The following CYP20A1 variants were observed in gnomAD, a reference collection of about 807,000 sequenced individuals.
CYP20A1 encodes cytochrome P450 family 20 subfamily A member 1.
In CYP20A1, 61 loss-of-function variants were observed where a neutral mutation model predicts 61.4. The ratio of observed to expected loss-of-function variants is 0.99; its 90% CI spans 0.81 to 1.23. The LOEUF is 1.23. Among genes scored for constraint, CYP20A1 ranks in the 50% most tolerant of loss-of-function variants. The pLI is 0.00. For missense variants in CYP20A1, 530 were observed against 542.4 expected (o/e 0.98, Z 0.23); for synonymous variants, 193 against 188.2 (o/e 1.03, Z -0.21).
chr2:203,280,873 G>A (rs1237872300), intron 8 of CYP20A1, among the ~76,000 whole-genome samples: 1 of 152,124 alleles, frequency 6.6e-6, no homozygotes, highest in Non-Finnish European at 1.5e-5. Flanking sequence ...TATGGATTGT[G>A]AATTCTTGTT....
chr2:203,252,080 C>T lies in CYP20A1; in HGVS notation c.403C>T (p.Leu135=), dbSNP rs1355229336. The T allele has an allele frequency of 6.2e-7, 1 of 1,608,662 alleles. No homozygotes were observed. ...KLYENGVTDS[L]KSNFALLLKL... is the part of the protein sequence containing the mutation. The stretch of plus-strand genomic sequence containing the variant: ...GTATGAAAATGGTGTGACTGATTCT[C>T]TGAAGAGTAACTTTGCCCTCCTCCT... Residue 135 remains leucine (L), a synonymous_variant, in exon 4 of 13, where the codon CTG becomes TTG. Coordinates refer to ENST00000356079, the MANE Select transcript of CYP20A1 (RefSeq NM_177538.3).
At chr2:203,240,479 C>G (rs2066217813) in intron 1 of CYP20A1, among the ~76,000 whole-genome samples, 1 of 152,184 alleles carries the variant, frequency 6.6e-6, no homozygotes, top group African/African-American at 2.4e-5. Context: ...GAATTTATTT[C>G]CTAGAGAAGG....
chr2:203,295,979 T>C (rs749514153), intron 11 of CYP20A1, among the ~76,000 whole-genome samples: 3 of 151,268 alleles, frequency 2.0e-5, no homozygotes, highest in Non-Finnish European at 4.4e-5. Flanking sequence ...AATAATAAAG[T>C]GCCAGTCGTG....
chr2:203,294,516 A>G (rs1223908026), intron 11 of CYP20A1, among the ~76,000 whole-genome samples: 2 of 152,086 alleles, frequency 1.3e-5, no homozygotes, highest in African/African-American at 4.8e-5. Context: ...ATGAAACTCC[A>G]TCTCAAAAAA....
At chr2:203,261,100 G>A (rs1489439661) in intron 4 of CYP20A1, among the ~76,000 whole-genome samples, 1 of 151,980 alleles carries the variant, frequency 6.6e-6, no homozygotes, top group Non-Finnish European at 1.5e-5. Context: ...TGAGCATGGT[G>A]GCTCACATCT....
In CYP20A1 at chr2:203,251,793, G is replaced by GTACATATATATATATA. The variant is rs1553513991; in HGVS notation, c.290-172_290-171insCATATATATATATATA. On this transcript the variant is annotated intron_variant, in intron 3 of 12. Transcript: ENST00000356079. ...TCAAAAGAAAACTATATATATATGT[G>GTACATATATATATATA]TATATATATATATATATATATATAA... Among the ~76,000 whole-genome samples the GTACATATATATATATA allele has an allele frequency of 4.5e-3, 286 of 64,110 alleles. 5 individuals carry two copies. The highest frequency in any genetic ancestry group is 0.011 in the African/African-American group (279 of 24,412). 42.1% of individuals were successfully genotyped at this position (64,110 alleles called of 152,430 possible). A position where few individuals can be genotyped will look rare whatever the true frequency, so the allele number is the denominator to read the frequency against.
rs1019440940 is a variant in CYP20A1 at position 203,270,508 on chromosome 2, C to T, written c.601-2162C>T. On this transcript the variant is annotated intron_variant, in intron 5 of 12. Transcript: ENST00000356079. ...TCTATTTTTGTGTTGCTTTTTCTTA[C>T]TAATCTAGAACAGCTCTTTATTTCT... Among the ~76,000 whole-genome samples, 37 of 151,832 alleles carry T rather than the reference C, an allele frequency of 2.4e-4. 1 individual carries two copies. Among genetic ancestry groups the T allele is most frequent in the Admixed American group, 1.5e-3 (23 of 15,230 alleles).
intron 10 of CYP20A1, among the ~76,000 whole-genome samples, chr2:203,291,177 CT>C (rs1214151930): frequency 6.6e-6 from 1 of 151,990 alleles, no homozygotes; most frequent in Admixed American, 6.6e-5. Context: ...ATCCTGCCAC[CT>C]CAGCTTCCCA....
At chr2:203,265,725 C>T (rs2067296969) in intron 4 of CYP20A1, among the ~76,000 whole-genome samples, 1 of 152,132 alleles carries the variant, frequency 6.6e-6, no homozygotes, top group Admixed American at 6.6e-5. Context: ...GAGTCTCGCT[C>T]TTTCACCCAG....
intron 3 of CYP20A1, among the ~76,000 whole-genome samples, chr2:203,251,063 C>CAAAA (rs35304069): frequency 1.8e-4 from 9 of 50,234 alleles, no homozygotes; most frequent in South Asian, 8.0e-4. Context: ...GATTCTGTCT[C>CAAAA]AAAAAAAAAA....
chr2:203,284,805 G>C (rs573720122), intron 8 of CYP20A1, among the ~76,000 whole-genome samples: 6 of 148,170 alleles, frequency 4.0e-5, no homozygotes, highest in Non-Finnish European at 7.4e-5. Context: ...GAGTGCAGTG[G>C]CACGGTCACA....
intron 1 of CYP20A1, among the ~76,000 whole-genome samples, chr2:203,241,611 T>C (rs2066257785): frequency 6.6e-6 from 1 of 152,226 alleles, no homozygotes; most frequent in African/African-American, 2.4e-5. Flanking sequence ...AGTCAAATGC[T>C]GCAGATATTT....
In CYP20A1 at chr2:203,285,663, AATT is replaced by A; in HGVS notation, c.905_907del (p.Leu302del). 1 of 1,606,732 alleles carries A rather than the reference AATT, an allele frequency of 6.2e-7. No homozygotes were observed. The highest frequency in any genetic ancestry group is 8.5e-7 in the Non-Finnish European group (1 of 1,178,436). ...ACCACCTCTGAAGAAGTTCAAAAAA[AATT>A]ATATGAAGAGATAAACCAAGTTTTT... On this transcript the variant is annotated inframe_deletion, in exon 9 of 13. Coordinates refer to ENST00000356079, the MANE Select transcript of CYP20A1 (RefSeq NM_177538.3).
rs1436941690 is a variant in CYP20A1 at position 203,271,044 on chromosome 2, ATG to A, written c.601-1624_601-1623del. On this transcript the variant is annotated intron_variant, in intron 5 of 12. Coordinates refer to ENST00000356079, the MANE Select transcript of CYP20A1 (RefSeq NM_177538.3). ...ATAGTTTGAGTGTATATATATATAT[ATG>A]TATATGTGTATATATATATATATAT... Among the ~76,000 whole-genome samples, 123 of 66,712 alleles carry A rather than the reference ATG, an allele frequency of 1.8e-3. 1 individual carries two copies. The highest frequency in any genetic ancestry group is 3.9e-3 in the African/African-American group (81 of 20,718). 43.8% of individuals were successfully genotyped at this position (66,712 alleles called of 152,430 possible). A position where few individuals can be genotyped will look rare whatever the true frequency, so the allele number is the denominator to read the frequency against.
chr2:203,280,003 C>G, intron 7 of CYP20A1, 56 bp from the exon 8 acceptor site: 2 of 1,215,702 alleles, frequency 1.6e-6, no homozygotes, highest in East Asian at 2.5e-5. Flanking sequence ...TTAGCAGGGC[C>G]TAATATAGGC....
intron 6 of CYP20A1, among the ~76,000 whole-genome samples, chr2:203,278,094 G>A (rs946177543): frequency 6.6e-6 from 1 of 151,994 alleles, no homozygotes; most frequent in Non-Finnish European, 1.5e-5. Flanking sequence ...TGGCCAACAT[G>A]GTGAAACCCC....
chr2:203,256,639 G>A (rs1200441090), intron 4 of CYP20A1, among the ~76,000 whole-genome samples: 2 of 152,076 alleles, frequency 1.3e-5, no homozygotes, highest in African/African-American at 4.8e-5. Flanking sequence ...GATTACAGGC[G>A]TGAGCCACCG....
At chr2:203,268,396 T>C (rs1559096153) in intron 5 of CYP20A1, among the ~76,000 whole-genome samples, 1 of 152,194 alleles carries the variant, frequency 6.6e-6, no homozygotes, top group Non-Finnish European at 1.5e-5. Flanking sequence ...TTTCTTCATT[T>C]CTAGACCTTT....
In CYP20A1 at chr2:203,246,854, C is replaced by T. The variant is rs2066476376; in HGVS notation, c.222C>T (p.Gly74=). 6.2e-7 allele frequency: 1 copy of T among 1,614,078 alleles called. No individual in the cohort carries two copies. Reference sequence around the variant, plus strand: ...GGCCTGTGGTCTCCTTCTGGTTTGGCAGGCGCCTCGTGGTTAGTTTGGGCA... The same window carrying T: ...GGCCTGTGGTCTCCTTCTGGTTTGGTAGGCGCCTCGTGGTTAGTTTGGGCA... ...RYGPVVSFWF[G]RRLVVSLGTV... is the part of the protein sequence containing the mutation. The change falls in exon 3 of 13, where the codon GGC becomes GGT. Residue 74 remains glycine (G), a synonymous_variant. Transcript: ENST00000356079.
Sources: gnomAD v4.1 joint callset for allele counts (sites outside exome capture counted in the v4.1 genomes callset) on GRCh38, gnomAD v4.1.1 for gene constraint, MANE v1.5 for transcripts, NCBI Gene and HGNC (gene_info 2026-07-23, HGNC 2026-07-21) for gene names.